The following LRMDA variants were observed in gnomAD, a reference collection of about 807,000 sequenced individuals.
LRMDA encodes the protein leucine-rich melanocyte differentiation-associated protein.
Under a neutral mutation model 29.8 loss-of-function variants are expected in LRMDA, and 18 were observed. The observed-to-expected ratio is 0.60, with a 90% CI of 0.42 to 0.90. The LOEUF (loss-of-function observed/expected upper bound fraction) is 0.90, where lower values mean the gene tolerates loss of function less well. LRMDA is among the 40% of genes least tolerant of loss of function. The probability of loss-of-function intolerance (pLI) is 0.00; values close to 1 mark genes in which losing one functional copy is unlikely to be tolerated. For synonymous variants in LRMDA, 125 were observed against 109.4 expected (o/e 1.14, Z -0.89); for missense variants, 273 against 273.9 (o/e 1.00, Z 0.02).
intron 2 of LRMDA, among the ~76,000 whole-genome samples, chr10:76,026,049 C>A (rs1464123035): frequency 6.6e-6 from 1 of 152,078 alleles, no homozygotes; most frequent in African/African-American, 2.4e-5. Context: ...GCCAGTCCCA[C>A]CTAATGCATA....
At position 76,076,540 on chromosome 10, in the gene LRMDA, C is replaced by T. The variant is rs183363039; in HGVS notation, c.516+17757C>T. Among the ~76,000 whole-genome samples the T allele has an allele frequency of 2.0e-4, 31 of 152,132 alleles. No individual in the cohort carries two copies. In the East Asian group the frequency reaches 6.0e-3, roughly 29 times the overall value. The stretch of plus-strand genomic sequence containing the variant: ...ATTTTATCCTCATGAGAGGATAAGA[C>T]AGATGAAGTGGAGCCTTATTTTACA... On this transcript the variant is annotated intron_variant, in intron 5 of 6. Transcript: ENST00000611255.
chr10:75,577,414 T>C (rs1468914663), intron 2 of LRMDA, among the ~76,000 whole-genome samples: 1 of 152,154 alleles, frequency 6.6e-6, no homozygotes, highest in African/African-American at 2.4e-5. Context: ...TGTACATTGA[T>C]TGGTATACCT....
chr10:75,736,228 C>A (rs1477328748), intron 2 of LRMDA, among the ~76,000 whole-genome samples: 1 of 152,142 alleles, frequency 6.6e-6, no homozygotes, highest in Non-Finnish European at 1.5e-5. Flanking sequence ...TTATGTTGTG[C>A]TTTGGACATT....
At chr10:76,367,765 C>T (rs1422288945) in intron 6 of LRMDA, among the ~76,000 whole-genome samples, 1 of 152,010 alleles carries the variant, frequency 6.6e-6, no homozygotes, top group Non-Finnish European at 1.5e-5. Flanking sequence ...TTTAAATGAC[C>T]ATTTCAATCT....
chr10:76,014,130 A>AAT lies in LRMDA; in HGVS notation c.132-21878_132-21877insAT, dbSNP rs1564630476. On this transcript the variant is annotated intron_variant, in intron 2 of 6. Coordinates refer to ENST00000611255, the MANE Select transcript of LRMDA (RefSeq NM_001305581.2). ...AGTATATATATATATATATAATTAT[A>AAT]TATATATATATATAATTATATATAT... Among the ~76,000 whole-genome samples the AAT allele has an allele frequency of 2.7e-3, 367 of 136,654 alleles. 6 individuals carry two copies. The highest frequency in any genetic ancestry group is 9.7e-3 in the African/African-American group (350 of 35,990). The allele number at this position is 136,654 out of a possible 152,430, so 89.7% of individuals were successfully genotyped here.
chr10:76,533,046 C>T (rs1251694298), intron 6 of LRMDA, among the ~76,000 whole-genome samples: 3 of 151,966 alleles, frequency 2.0e-5, no homozygotes, highest in African/African-American at 7.2e-5. Flanking sequence ...AAATAAATTT[C>T]TTATTCAAAG....
chr10:75,861,280 C>T (rs924517054), intron 2 of LRMDA, among the ~76,000 whole-genome samples: 4 of 152,210 alleles, frequency 2.6e-5, no homozygotes, highest in Non-Finnish European at 4.4e-5. Context: ...TGGGTATCCT[C>T]AGGGGAGAAT....
intron 2 of LRMDA, among the ~76,000 whole-genome samples, chr10:75,904,701 C>T (rs907856225): frequency 2.6e-5 from 4 of 152,308 alleles, no homozygotes; most frequent in South Asian, 2.1e-4. Context: ...TTTTAATCAG[C>T]GCTCTTTGCG....
intron 2 of LRMDA, among the ~76,000 whole-genome samples, chr10:76,013,118 C>T (rs1847814249): frequency 6.6e-6 from 1 of 152,112 alleles, no homozygotes; most frequent in Non-Finnish European, 1.5e-5. Flanking sequence ...GGATTTGTGT[C>T]AGCAAGTGAA....
At chr10:76,258,954 T>G (rs1185764712) in intron 5 of LRMDA, among the ~76,000 whole-genome samples, 1 of 152,172 alleles carries the variant, frequency 6.6e-6, no homozygotes, top group Non-Finnish European at 1.5e-5. Flanking sequence ...TTTGATATGA[T>G]GATTTCCTTT....
chr10:76,269,427 G>C (rs976133051), intron 5 of LRMDA, among the ~76,000 whole-genome samples: 1 of 152,162 alleles, frequency 6.6e-6, no homozygotes, highest in African/African-American at 2.4e-5. Flanking sequence ...ACGGAGGCTG[G>C]ACTGTGCAGG....
At position 75,954,907 on chromosome 10, in the gene LRMDA, C is replaced by T. The variant is rs371604410; in HGVS notation, c.132-81101C>T. Among the ~76,000 whole-genome samples, 19 of 152,270 alleles carry T rather than the reference C, an allele frequency of 1.2e-4. No individual in the cohort carries two copies. The South Asian group carries it at 3.7e-3, about 30-fold the overall frequency. On this transcript the variant is annotated intron_variant, in intron 2 of 6. Coordinates refer to ENST00000611255, the MANE Select transcript of LRMDA (RefSeq NM_001305581.2). The stretch of plus-strand genomic sequence containing the variant: ...TGGGAATGCTTTATTCCATGTATTT[C>T]ACCTATGTATATTTTTATGAATGCA...
intron 2 of LRMDA, among the ~76,000 whole-genome samples, chr10:75,800,442 T>TC (rs1228082239): frequency 1.3e-5 from 2 of 151,792 alleles, no homozygotes; most frequent in East Asian, 1.9e-4. Flanking sequence ...CTTTTTCTTT[T>TC]TTTTTTTTCT....
intron 2 of LRMDA, among the ~76,000 whole-genome samples, chr10:75,621,222 A>ACACACC (rs1564524619): frequency 7.5e-6 from 1 of 133,928 alleles, no homozygotes; most frequent in Non-Finnish European, 1.7e-5. Flanking sequence ...ACACACACAC[A>ACACACC]CACCCACACA....
rs376058569 is a variant in LRMDA, at chr10:76,392,309, T to C, written c.601+67824T>C. On this transcript the variant is annotated intron_variant, in intron 6 of 6. Coordinates refer to ENST00000611255, the MANE Select transcript of LRMDA (RefSeq NM_001305581.2). The stretch of plus-strand genomic sequence containing the variant: ...CTATCTGCTGGCTCTCAGATTCTTT[T>C]CTTTTAAAATATGTTTTTAAATCAA... 5.3e-5 allele frequency among the ~76,000 whole-genome samples: 8 copies of C among 152,160 alleles called. No homozygotes were observed. The East Asian group carries it at 7.7e-4, about 15-fold the overall frequency.
At chr10:76,363,389 C>A (rs1367086022) in intron 6 of LRMDA, among the ~76,000 whole-genome samples, 1 of 151,996 alleles carries the variant, frequency 6.6e-6, no homozygotes, top group Non-Finnish European at 1.5e-5. Flanking sequence ...TCTTTATTTG[C>A]AGATGAAATT....
intron 2 of LRMDA, among the ~76,000 whole-genome samples, chr10:75,773,750 G>A (rs1353142877): frequency 6.6e-6 from 1 of 152,112 alleles, no homozygotes; most frequent in African/African-American, 2.4e-5. Context: ...TTCTGAATAT[G>A]AGTCAGTCTT....
chr10:76,130,874 G>T (rs1273927292), intron 5 of LRMDA, among the ~76,000 whole-genome samples: 1 of 152,000 alleles, frequency 6.6e-6, no homozygotes, highest in Non-Finnish European at 1.5e-5. Context: ...TGTTGGCCAG[G>T]CTTGTCTTAA....
chr10:75,979,880 G>A (rs533644154), intron 2 of LRMDA, among the ~76,000 whole-genome samples: 2 of 152,286 alleles, frequency 1.3e-5, no homozygotes, highest in East Asian at 3.9e-4. Flanking sequence ...CTATGAAAAT[G>A]GACATTAATA....
Sources: allele counts gnomAD v4.1 joint callset (sites outside exome capture counted in the v4.1 genomes callset), GRCh38; gene constraint gnomAD v4.1.1; transcripts MANE v1.5; gene names NCBI Gene and HGNC (gene_info 2026-07-23, HGNC 2026-07-21).